The following DTD1 variants were observed in gnomAD, a reference collection of about 807,000 sequenced individuals.
DTD1 encodes D-tyrosyl-tRNA deacylase 1 homolog.
Under a neutral mutation model 25.6 loss-of-function variants are expected in DTD1, and 13 were observed. The observed-to-expected ratio is 0.51, with a 90% CI of 0.33 to 0.81. The LOEUF (loss-of-function observed/expected upper bound fraction) is 0.81. DTD1 is among the 30% of genes least tolerant of loss of function. The probability of loss-of-function intolerance (pLI) is 0.02; values close to 1 mark genes in which losing one functional copy is unlikely to be tolerated. For missense variants in DTD1, 193 were observed against 266.4 expected, an observed-to-expected ratio of 0.72 and a Z score of 1.92; for synonymous variants, 110 against 103.6, an observed-to-expected ratio of 1.06 and a Z score of -0.37.
intron 4 of DTD1, among the ~76,000 whole-genome samples, chr20:18,708,347 TATATATCTATATATATA>T (rs2061143781): frequency 1.4e-5 from 1 of 70,218 alleles, no homozygotes; most frequent in Non-Finnish European, 2.8e-5. Context: ...ATATATATAT[TATATATCTATATATATA>T]TTTTTTTTTG....
intron 3 of DTD1, among the ~76,000 whole-genome samples, chr20:18,597,375 A>G (rs766145809): frequency 6.6e-6 from 1 of 152,150 alleles, no homozygotes; most frequent in Non-Finnish European, 1.5e-5. Flanking sequence ...ATTAAGATAT[A>G]ATACACATAC....
At chr20:18,743,577 G>T (rs2061286727) in intron 4 of DTD1, among the ~76,000 whole-genome samples, 1 of 150,808 alleles carries the variant, frequency 6.6e-6, no homozygotes, top group African/African-American at 2.4e-5. Context: ...GAGAGGTTGA[G>T]GTGGGAGGAT....
chr20:18,661,525 G>C (rs1019981027), intron 4 of DTD1, among the ~76,000 whole-genome samples: 6 of 151,964 alleles, frequency 3.9e-5, no homozygotes, highest in Non-Finnish European at 5.9e-5. Context: ...GTGCCCGCCA[G>C]CACGCCTGGC....
At chr20:18,607,607 A>G (rs1461664730) in intron 3 of DTD1, among the ~76,000 whole-genome samples, 2 of 152,240 alleles carry the variant, frequency 1.3e-5, no homozygotes, top group East Asian at 3.8e-4. Flanking sequence ...GATAGAATTC[A>G]CCAATGACCC....
chr20:18,632,729 A>G (rs969750476), intron 4 of DTD1: 4 of 896,192 alleles, frequency 4.5e-6, no homozygotes, highest in Admixed American at 6.2e-5. Flanking sequence ...GTTCTTTTAA[A>G]ATATAAATAA....
chr20:18,756,510 C>T (rs2061339991), intron 5 of DTD1, among the ~76,000 whole-genome samples: 1 of 152,216 alleles, frequency 6.6e-6, no homozygotes, highest in Admixed American at 6.5e-5. Context: ...TTCCCAGCAC[C>T]ATTTATTAAA....
rs564210883 is a variant in DTD1, at chr20:18,598,622, C to T, written c.370+2381C>T. ...ATGCCATTCTCCTGCCTCAGCCTCC[C>T]GAGTAGCTGGGACTACAGACACCAG... On this transcript the variant is annotated intron_variant, in intron 3 of 5. Transcript: ENST00000377452. 4.5e-4 allele frequency among the ~76,000 whole-genome samples: 68 copies of T among 151,884 alleles called. 1 individual carries two copies. In the Middle Eastern group the frequency reaches 0.01, roughly 23 times the overall value.
chr20:18,751,872 G>GTTT (rs71194264), intron 5 of DTD1, among the ~76,000 whole-genome samples: 14,550 of 148,592 alleles, frequency 0.098, 974 homozygotes, highest in Admixed American at 0.17. Flanking sequence ...TGTTGTTGTT[G>GTTT]TTTTAATTTG....
intron 4 of DTD1, among the ~76,000 whole-genome samples, chr20:18,726,301 C>T (rs1245323689): frequency 6.6e-6 from 1 of 152,118 alleles, no homozygotes; most frequent in Non-Finnish European, 1.5e-5. Context: ...CTTGTTTGTC[C>T]AGGAATGTTC....
intron 4 of DTD1, among the ~76,000 whole-genome samples, chr20:18,650,443 AT>A (rs994640971): frequency 2.2e-4 from 33 of 152,196 alleles, no homozygotes; most frequent in African/African-American, 7.2e-4. Context: ...ATCCTTCTCC[AT>A]GATGAAATCT....
chr20:18,590,617 C>T (rs976523886), intron 1 of DTD1, among the ~76,000 whole-genome samples: 1 of 151,994 alleles, frequency 6.6e-6, no homozygotes, highest in Non-Finnish European at 1.5e-5. Context: ...CTTACAGGTG[C>T]GCGCCACTGT....
Position 18,744,215 on chromosome 20 carries a change from G to A in DTD1, c.593G>A (p.Gly198Glu). Residue 198 changes from glycine (G) to glutamate (E), a missense_variant, in exon 5 of 6, where the codon GGG becomes GAG. Coordinates refer to ENST00000377452, the MANE Select transcript of DTD1 (RefSeq NM_080820.6). Reference sequence around the variant, plus strand: ...AAAGAAGACCGCAGTGCCAGCAGCGGGGCTGAGGGCGACGTGTCCTCTGAA... The same window carrying A: ...AAAGAAGACCGCAGTGCCAGCAGCGAGGCTGAGGGCGACGTGTCCTCTGAA... ...PRKEDRSASSGAEGDVSSERE... is the reference protein window; with the variant it reads ...PRKEDRSASSEAEGDVSSERE... 1 of 1,612,264 alleles carries A rather than the reference G, an allele frequency of 6.2e-7. No individual in the cohort carries two copies. Among genetic ancestry groups the A allele is most frequent in the Non-Finnish European group, 8.5e-7 (1 of 1,180,022 alleles).
At chr20:18,760,327 T>C (rs2061356459) in intron 5 of DTD1, among the ~76,000 whole-genome samples, 1 of 152,230 alleles carries the variant, frequency 6.6e-6, no homozygotes, top group African/African-American at 2.4e-5. Context: ...TTTAGAATTT[T>C]AAGTTTTTCT....
chr20:18,762,937 CT>C (rs1318246897), intron 5 of DTD1, among the ~76,000 whole-genome samples: 3 of 151,944 alleles, frequency 2.0e-5, no homozygotes, highest in Non-Finnish European at 4.4e-5. Flanking sequence ...ATTTGATAAC[CT>C]TTTTCTTTTG....
chr20:18,620,197 T>A (rs1292393422), intron 3 of DTD1: 1 of 152,244 alleles, frequency 6.6e-6, no homozygotes, highest in Non-Finnish European at 1.5e-5. Flanking sequence ...AATTTTTAAA[T>A]CAGCTTATTT....
At chr20:18,628,061 AGT>A in intron 3 of DTD1, 64 bp from the exon 4 acceptor site, 1 of 1,303,286 alleles carries the variant, frequency 7.7e-7, no homozygotes, top group East Asian at 2.3e-5. Context: ...GAACTAATAC[AGT>A]GTGCTTTTGG....
intron 4 of DTD1, among the ~76,000 whole-genome samples, chr20:18,724,045 G>A (rs535724673): frequency 3.0e-4 from 45 of 152,342 alleles, no homozygotes; most frequent in African/African-American, 8.4e-4. Flanking sequence ...AGGCGGAAAA[G>A]GGAATGTCCC....
intron 4 of DTD1, among the ~76,000 whole-genome samples, chr20:18,721,248 G>T (rs563970640): frequency 4.0e-5 from 6 of 151,826 alleles, no homozygotes; most frequent in Non-Finnish European, 7.4e-5. Flanking sequence ...GTTTGAGCAC[G>T]TTTTTTTTCT....
intron 4 of DTD1, chr20:18,631,836 A>C: frequency 1.0e-6 from 1 of 985,058 alleles, no homozygotes; most frequent in Non-Finnish European, 1.2e-6. Flanking sequence ...TTCATTCTAA[A>C]TATTTTTCTG....
Sources: allele counts gnomAD v4.1 joint callset (sites outside exome capture counted in the v4.1 genomes callset), GRCh38; gene constraint gnomAD v4.1.1; transcripts MANE v1.5; gene names NCBI Gene and HGNC (gene_info 2026-07-23, HGNC 2026-07-21).